Variants in USP38 observed in about 807,000 individuals in gnomAD.
The protein encoded by USP38 is ubiquitin specific peptidase 38.
USP38 carries 49 observed loss-of-function variants against 94.3 expected under a neutral mutation model. The observed-to-expected ratio is 0.52, with a 90% confidence interval of 0.41 to 0.66. The LOEUF is 0.66. USP38 is among the 30% of genes least tolerant of loss of function. The pLI is 0.00. For missense variants in USP38, 1,128 were observed against 1,229.4 expected, an observed-to-expected ratio of 0.92 and a Z score of 1.23; for synonymous variants, 468 against 463.6, an observed-to-expected ratio of 1.01 and a Z score of -0.12.
chr4:143,211,268 T>C (rs1167435020), intron 7 of USP38, among the ~76,000 whole-genome samples: 1 of 152,194 alleles, frequency 6.6e-6, no homozygotes, highest in Non-Finnish European at 1.5e-5. Context: ...TTTAGGCAGA[T>C]AGATTTTCCC....
chr4:143,198,383 G>T (rs113506352), intron 4 of USP38, among the ~76,000 whole-genome samples: 1 of 152,138 alleles, frequency 6.6e-6, no homozygotes, highest in East Asian at 1.9e-4. Context: ...AATCATTGGC[G>T]TTTATTTGAT....
Position 143,185,377 on chromosome 4 carries a change from G to T in USP38, c.-74G>T, listed in dbSNP as rs916828785. Reference sequence around the variant, plus strand: ...GCTCCAAGTTCATCTCCGCCCCGGGGCTCTCCTGCCCCACCTCGGGGCTGC... The same window carrying T: ...GCTCCAAGTTCATCTCCGCCCCGGGTCTCTCCTGCCCCACCTCGGGGCTGC... On this transcript the variant is annotated 5_prime_UTR_variant, in exon 1 of 10. Coordinates refer to ENST00000307017, the MANE Select transcript of USP38 (RefSeq NM_032557.6). 2.7e-6 allele frequency: 4 copies of T among 1,479,980 alleles called. No individual in the cohort carries two copies. In the African/African-American group the frequency reaches 4.2e-5, roughly 16 times the overall value. 91.7% of individuals were successfully genotyped at this position (1,479,980 alleles called of 1,614,324 possible). A position where few individuals can be genotyped will look rare whatever the true frequency, so the allele number is the denominator to read the frequency against.
intron 2 of USP38, among the ~76,000 whole-genome samples, chr4:143,194,874 C>G (rs895635826): frequency 1.3e-4 from 20 of 150,488 alleles, no homozygotes; most frequent in Non-Finnish European, 1.8e-4. Flanking sequence ...TAGGGAGTGT[C>G]TCTGTCCAAT....
chr4:143,195,896 T>C (rs1305145837), intron 3 of USP38, 51 bp downstream of exon 3: 1 of 1,484,952 alleles, frequency 6.7e-7, no homozygotes, highest in Non-Finnish European at 9.0e-7. Context: ...ATAAAATCAA[T>C]ATTTTTTTCT....
chr4:143,193,892 C>T (rs1386631075), intron 2 of USP38, among the ~76,000 whole-genome samples: 2 of 152,182 alleles, frequency 1.3e-5, no homozygotes, highest in African/African-American at 2.4e-5. Context: ...TCAAGACCAG[C>T]TCAGGCAACC....
intron 4 of USP38, among the ~76,000 whole-genome samples, chr4:143,201,382 A>G (rs775687267): frequency 3.9e-5 from 6 of 152,182 alleles, no homozygotes; most frequent in Non-Finnish European, 7.3e-5. Context: ...AATCAACTCA[A>G]GATGTTTTCC....
Position 143,220,405 on chromosome 4 carries a change from TGGTGGAGGG to T in USP38, c.3087_3095del (p.Gly1031_Gly1033del). 1 of 1,613,250 alleles carries T rather than the reference TGGTGGAGGG, an allele frequency of 6.2e-7. No homozygotes were observed. The highest frequency in any genetic ancestry group is 8.5e-7 in the Non-Finnish European group (1 of 1,179,508). ...ACCCACCAGGAAGCTGTGGACCAAC[TGGTGGAGGG>T]GGTGGAGGAGGATTTAATACAGTTG... On this transcript the variant is annotated inframe_deletion, in exon 10 of 10. Transcript: ENST00000307017.
chr4:143,203,109 G>A (rs1731762504), intron 4 of USP38, among the ~76,000 whole-genome samples: 1 of 151,888 alleles, frequency 6.6e-6, no homozygotes, highest in Non-Finnish European at 1.5e-5. Context: ...TCAACCTACA[G>A]CATTTTTCAG....
chr4:143,185,911 TTG>T lies in USP38; in HGVS notation c.464_465del (p.Val155AlafsTer45). ...CGACTGAGCGACCTTCTGACCGACT[TTG>T]TGCAATGCATCCCCAAGGGGAAATT... On this transcript the variant is annotated frameshift_variant, in exon 1 of 10. Coordinates refer to ENST00000307017, the MANE Select transcript of USP38 (RefSeq NM_032557.6). LOFTEE classifies it high-confidence loss of function. The T allele has an allele frequency of 6.2e-7, 1 of 1,614,178 alleles. No homozygotes were observed. The highest frequency in any genetic ancestry group is 8.5e-7 in the Non-Finnish European group (1 of 1,180,030).
In USP38 at chr4:143,220,615, T is replaced by C. The variant is rs1305716065; in HGVS notation, c.*159T>C. On this transcript the variant is annotated 3_prime_UTR_variant, in exon 10 of 10. Coordinates refer to ENST00000307017, the MANE Select transcript of USP38 (RefSeq NM_032557.6). The stretch of plus-strand genomic sequence containing the variant: ...GTTTTTATTTTCTTGACACATTTAT[T>C]AACAAAATGCATCATGGAAAAAAAA... 6.7e-6 allele frequency: 5 copies of C among 746,484 alleles called. No homozygotes were observed. Among genetic ancestry groups the C allele is most frequent in the Non-Finnish European group, 9.1e-6 (5 of 551,158 alleles). 46.2% of individuals were successfully genotyped at this position (746,484 alleles called of 1,614,324 possible).
Position 143,213,718 on chromosome 4 carries a change from G to A in USP38, c.1742G>A (p.Gly581Asp), listed in dbSNP as rs144591309. The A allele has an allele frequency of 1.2e-6, 2 of 1,613,766 alleles. No individual in the cohort carries two copies. The highest frequency in any genetic ancestry group is 2.2e-5 in the South Asian group (2 of 91,074). The change falls in exon 9 of 10, where the codon GGT becomes GAT. Residue 581 changes from glycine to aspartate, a missense_variant. By Grantham distance (94) the Gly-to-Asp change is moderately conservative (BLOSUM62 -1). Coordinates refer to ENST00000307017, the MANE Select transcript of USP38 (RefSeq NM_032557.6). ...VLTETPRTSD[G>D]EKTLIEKMFG... ...ACAGAGACCCCTCGTACAAGTGACG[G>A]TGAGAAGACTTTAATAGAAAAAATG... is the stretch of plus-strand genomic sequence containing the variant.
intron 4 of USP38, among the ~76,000 whole-genome samples, chr4:143,199,296 G>A (rs1034743256): frequency 6.6e-6 from 1 of 152,034 alleles, no homozygotes; most frequent in Non-Finnish European, 1.5e-5. Context: ...CCCTCCATCC[G>A]TGTTCCCGCA....
intron 5 of USP38, among the ~76,000 whole-genome samples, chr4:143,205,174 A>G (rs1033558327): frequency 6.6e-6 from 1 of 152,196 alleles, no homozygotes; most frequent in Non-Finnish European, 1.5e-5. Flanking sequence ...GAAAATTCTG[A>G]TAACTCATAT....
At chr4:143,194,618 C>T (rs1731491613) in intron 2 of USP38, among the ~76,000 whole-genome samples, 1 of 152,208 alleles carries the variant, frequency 6.6e-6, no homozygotes, top group Admixed American at 6.5e-5. Flanking sequence ...AGCCATTCTC[C>T]TGCCTCAGCC....
Position 143,220,365 on chromosome 4 carries a change from G to T in USP38, c.3038G>T (p.Gly1013Val). Residue 1013 changes from glycine to valine, a missense_variant, in exon 10 of 10, where the codon GGA (glycine) becomes GTA (valine). Gly to Val is a moderately radical substitution (Grantham distance 109, BLOSUM62 -3). Coordinates refer to ENST00000307017, the MANE Select transcript of USP38 (RefSeq NM_032557.6). ...ASASCSFRPN[G>V]FDDNDPPGSC... ...GCTTCATGTTCATTTCGGCCCAATG[G>T]ATTTGATGACAACGACCCACCAGGA... 2 of 1,613,512 alleles carry T rather than the reference G, an allele frequency of 1.2e-6. No individual in the cohort carries two copies. The highest frequency in any genetic ancestry group is 1.7e-6 in the Non-Finnish European group (2 of 1,179,660).
intron 2 of USP38, among the ~76,000 whole-genome samples, chr4:143,193,905 C>A (rs964513266): frequency 6.6e-6 from 1 of 152,152 alleles, no homozygotes; most frequent in African/African-American, 2.4e-5. Flanking sequence ...AGGCAACCCC[C>A]TTGGTGAAAC....
rs1322984115 is a variant in USP38 at position 143,206,814 on chromosome 4, CTG to C, written c.1403+590_1403+591del. On this transcript the variant is annotated intron_variant, in intron 6 of 9. Coordinates refer to ENST00000307017, the MANE Select transcript of USP38 (RefSeq NM_032557.6). ...ACTTCATTGTTGTTATCCTGTGAGA[CTG>C]TAATTTTTTTTAACCTATACGTGTT... Among the ~76,000 whole-genome samples, 15 of 152,210 alleles carry C rather than the reference CTG, an allele frequency of 9.9e-5. No individual in the cohort carries two copies. In the East Asian group the frequency reaches 2.9e-3, roughly 29 times the overall value.
chr4:143,207,628 C>A (rs1042238903), intron 6 of USP38, among the ~76,000 whole-genome samples: 1 of 150,374 alleles, frequency 6.7e-6, no homozygotes, highest in Non-Finnish European at 1.5e-5. Context: ...TTTTTGGTTT[C>A]ATTTAGCATT....
At chr4:143,217,647 GC>G (rs910202516) in intron 9 of USP38, among the ~76,000 whole-genome samples, 2 of 152,012 alleles carry the variant, frequency 1.3e-5, no homozygotes, top group Non-Finnish European at 2.9e-5. Flanking sequence ...ATTTTAAGAA[GC>G]TTTTTTTAGG....
Sources: gnomAD v4.1 joint callset for allele counts (sites outside exome capture counted in the v4.1 genomes callset) on GRCh38, gnomAD v4.1.1 for gene constraint, MANE v1.5 for transcripts, NCBI Gene and HGNC (gene_info 2026-07-23, HGNC 2026-07-21) for gene names.